The following SHANK2 variants were observed in gnomAD, a reference collection of about 807,000 sequenced individuals.
SHANK2 encodes the protein SH3 and multiple ankyrin repeat domains protein 2.
Under a neutral mutation model 133.7 loss-of-function variants are expected in SHANK2, and 43 were observed. The ratio of observed to expected loss-of-function variants is 0.32; its 90% confidence interval spans 0.25 to 0.41. The LOEUF is 0.41. SHANK2 is among the 10% of genes least tolerant of loss of function. SHANK2 has a pLI of 1.00. For synonymous variants in SHANK2, 1,017 were observed against 952.8 expected, an observed-to-expected ratio of 1.07 and a Z score of -1.24; for missense variants, 1,994 against 2,235.8, an observed-to-expected ratio of 0.89 and a Z score of 2.18.
chr11:70,812,755 C>A (rs1180933781), intron 12 of SHANK2, among the ~76,000 whole-genome samples: 4 of 152,218 alleles, frequency 2.6e-5, no homozygotes, highest in Non-Finnish European at 5.9e-5. Context: ...TGCTGTCCTG[C>A]CTGCACAGTG....
intron 24 of SHANK2, among the ~76,000 whole-genome samples, chr11:70,488,446 C>T (rs2058842620): frequency 6.6e-6 from 1 of 152,206 alleles, no homozygotes; most frequent in Non-Finnish European, 1.5e-5. Context: ...TCATGTGAAT[C>T]CTTTCATTGC....
At chr11:71,176,026 C>G (rs1264088827) in intron 2 of SHANK2, among the ~76,000 whole-genome samples, 2 of 152,188 alleles carry the variant, frequency 1.3e-5, no homozygotes, top group Non-Finnish European at 2.9e-5. Flanking sequence ...GAGAAAGAAC[C>G]ACCCAAAAGG....
intron 14 of SHANK2, among the ~76,000 whole-genome samples, chr11:70,776,787 C>T (rs1301295971): frequency 2.0e-5 from 3 of 151,336 alleles, no homozygotes; most frequent in Non-Finnish European, 4.4e-5. Flanking sequence ...CCCATCCATT[C>T]ACCCATCCAT....
chr11:71,182,642 G>GA (rs1268938741), intron 2 of SHANK2, among the ~76,000 whole-genome samples: 1 of 152,088 alleles, frequency 6.6e-6, no homozygotes, highest in East Asian at 1.9e-4. Context: ...TCTAGATCTG[G>GA]ACCCATCTAA....
At chr11:70,818,593 G>T (rs1466540194) in intron 12 of SHANK2, among the ~76,000 whole-genome samples, 2 of 152,168 alleles carry the variant, frequency 1.3e-5, no homozygotes, top group South Asian at 2.1e-4. Context: ...TGCCTCGGGG[G>T]AGCCCTTTAA....
chr11:70,859,747 C>G (rs1949227945), intron 11 of SHANK2, among the ~76,000 whole-genome samples: 1 of 152,158 alleles, frequency 6.6e-6, no homozygotes, highest in South Asian at 2.1e-4. Context: ...AGAAAACATG[C>G]CAGGAAGCTT....
intron 11 of SHANK2, among the ~76,000 whole-genome samples, chr11:70,887,536 T>C (rs1278146565): frequency 7.2e-5 from 11 of 152,024 alleles, no homozygotes; most frequent in African/African-American, 2.7e-4. Flanking sequence ...AGAGCACCCA[T>C]TCATCACCTC....
intron 17 of SHANK2, among the ~76,000 whole-genome samples, chr11:70,544,929 G>A (rs782801971): frequency 5.9e-5 from 9 of 152,324 alleles, no homozygotes; most frequent in East Asian, 1.9e-4. Context: ...GCGGGACCAC[G>A]TGGGGCTGCG....
At chr11:70,765,006 C>T (rs186789738) in intron 14 of SHANK2, among the ~76,000 whole-genome samples, 26 of 152,314 alleles carry the variant, frequency 1.7e-4, no homozygotes, top group Admixed American at 1.4e-3. Flanking sequence ...GAAAGACAAG[C>T]CACTGAACAA....
chr11:71,177,198 A>G (rs1177291051), intron 2 of SHANK2, among the ~76,000 whole-genome samples: 3 of 150,682 alleles, frequency 2.0e-5, no homozygotes, highest in Non-Finnish European at 3.0e-5. Flanking sequence ...GAGGCAGAAG[A>G]AAATGATACC....
intron 6 of SHANK2, 143 bp from the exon 7 acceptor site, chr11:71,094,831 A>G: frequency 1.1e-6 from 1 of 926,644 alleles, no homozygotes; most frequent in South Asian, 1.8e-5. Context: ...CCACCTGGGA[A>G]CCCCAAGAGT....
chr11:71,091,549 A>G (rs1387654449), intron 8 of SHANK2, among the ~76,000 whole-genome samples: 1 of 152,080 alleles, frequency 6.6e-6, no homozygotes, highest in African/African-American at 2.4e-5. Flanking sequence ...GCTGTTCCAG[A>G]GCCTCCTCTT....
chr11:70,481,002 C>T (rs2058725701), intron 25 of SHANK2, among the ~76,000 whole-genome samples: 1 of 152,210 alleles, frequency 6.6e-6, no homozygotes, highest in South Asian at 2.1e-4. Context: ...GAGGAGGGAC[C>T]ACTGACTCTT....
At chr11:71,073,070 A>C (rs1015719911) in intron 9 of SHANK2, among the ~76,000 whole-genome samples, 9 of 151,918 alleles carry the variant, frequency 5.9e-5, no homozygotes, top group Non-Finnish European at 1.3e-4. Context: ...TTACCACTTA[A>C]TGAAAAAGCA....
chr11:71,248,386 G>A (rs187555398), intron 1 of SHANK2, among the ~76,000 whole-genome samples: 37 of 152,324 alleles, frequency 2.4e-4, no homozygotes, highest in African/African-American at 7.0e-4. Context: ...TTTTCTAACC[G>A]CTGCCTGGCG....
At position 71,140,164 on chromosome 11, in the gene SHANK2, C is replaced by T. The variant is rs142242194; in HGVS notation, c.207+6956G>A. 3.5e-3 allele frequency among the ~76,000 whole-genome samples: 527 copies of T among 152,338 alleles called. 4 individuals are homozygous for T. Among genetic ancestry groups the T allele is most frequent in the Middle Eastern group, 0.01 (3 of 294 alleles). On this transcript the variant is annotated intron_variant, in intron 3 of 25. Transcript: ENST00000601538. ...TGCTTTGTTGCTGAGAGCTCACACC[C>T]GGGGGATTTCTGGTTTCAGCCTCCA...
chr11:71,085,895 T>TA (rs1565441967), intron 8 of SHANK2, among the ~76,000 whole-genome samples: 10 of 762 alleles, frequency 0.013, no homozygotes, highest in East Asian at 0.25. Flanking sequence ...CCTTAATATA[T>TA]ATATTAATTA....
chr11:71,198,507 G>T (rs186407674), intron 2 of SHANK2, among the ~76,000 whole-genome samples: 190 of 152,310 alleles, frequency 1.2e-3, no homozygotes, highest in African/African-American at 4.4e-3. Context: ...ACAGGAAACA[G>T]GCCTTCTCTT....
At chr11:71,131,741 G>C (rs1952311354) in intron 3 of SHANK2, among the ~76,000 whole-genome samples, 1 of 152,182 alleles carries the variant, frequency 6.6e-6, no homozygotes, top group Middle Eastern at 3.4e-3. Flanking sequence ...TTGAAGTGAA[G>C]TAAGTCAGCC....
Sources: gnomAD v4.1 joint callset for allele counts (sites outside exome capture counted in the v4.1 genomes callset) on GRCh38, gnomAD v4.1.1 for gene constraint, MANE v1.5 for transcripts, NCBI Gene and HGNC (gene_info 2026-07-23, HGNC 2026-07-21) for gene names.